Variants in PRDM1 observed in about 807,000 individuals in gnomAD.
PRDM1 encodes the protein PR/SET domain 1.
A neutral mutation model predicts 62.8 loss-of-function variants in PRDM1; 13 were observed. That is an observed-to-expected ratio of 0.21 (90% confidence interval 0.13 to 0.33). The LOEUF (loss-of-function observed/expected upper bound fraction) is 0.33. PRDM1 is among the 10% of genes least tolerant of loss of function. The pLI is 1.00. For synonymous variants in PRDM1, 396 were observed against 417.6 expected, an observed-to-expected ratio of 0.95 and a Z score of 0.63; for missense variants, 895 against 1,058.8, an observed-to-expected ratio of 0.85 and a Z score of 2.15.
rs964613856 is a variant in PRDM1 at position 106,061,548 on chromosome 6, A to G, written c.-67+12834A>G. Among the ~76,000 whole-genome samples, 4 of 152,152 alleles carry G rather than the reference A, an allele frequency of 2.6e-5. No individual in the cohort carries two copies. The East Asian group carries it at 7.7e-4, about 29-fold the overall frequency. On this transcript the variant is annotated intron_variant, in intron 1 of 6. Coordinates refer to the PRDM1 transcript ENST00000651185. ...CATAGCTCATTGTTATCTCAAACAT[A>G]TTTTCCAGTATGTGATTAGATTCTG...
intron 1 of PRDM1, among the ~76,000 whole-genome samples, chr6:106,031,327 G>A (rs1772840817): frequency 2.6e-5 from 4 of 152,198 alleles, no homozygotes; most frequent in Admixed American, 2.6e-4. Context: ...GAAGGTAGAA[G>A]TCCCAGGATC....
At chr6:106,096,388 C>T (rs376986973) in intron 3 of PRDM1, among the ~76,000 whole-genome samples, 104 of 152,212 alleles carry the variant, frequency 6.8e-4, no homozygotes, top group African/African-American at 2.3e-3. Context: ...CCTCGTGATC[C>T]GCCCACCTTG....
chr6:106,105,681 C>G lies in PRDM1; in HGVS notation c.1521C>G (p.Asp507Glu). 1 of 1,613,382 alleles carries G rather than the reference C, an allele frequency of 6.2e-7. No individual in the cohort carries two copies. The highest frequency in any genetic ancestry group is 8.5e-7 in the Non-Finnish European group (1 of 1,179,508). ...CCGGGGCCGCCGCCAGCATGAAGGA[C>G]AAGGCCTGTAGCCCCACAAGCGGGT... ...SFTGAAASMK[D>E]KACSPTSGSP... The change falls in exon 5 of 7, where the codon GAC becomes GAG. Residue 507 changes from aspartate to glutamate, a missense_variant. Asp to Glu is a conservative substitution (Grantham distance 45). Coordinates refer to ENST00000369096, the MANE Select transcript of PRDM1 (RefSeq NM_001198.4).
chr6:106,106,219 A>G lies in PRDM1; in HGVS notation c.1774-152A>G. On this transcript the variant is annotated intron_variant, in intron 5 of 6. Coordinates refer to ENST00000369096, the MANE Select transcript of PRDM1 (RefSeq NM_001198.4). The surrounding 1 kb of genome is among the most constrained non-coding windows in gnomAD (Gnocchi z 4.4). ...TGTGATTTTTGTGCTTTTAAGAAAA[A>G]CACCATTCTGAAAACATGAAGATTT... is the stretch of plus-strand genomic sequence containing the variant. 1 of 1,296,232 alleles carries G rather than the reference A, an allele frequency of 7.7e-7. No individual in the cohort carries two copies. Among genetic ancestry groups the G allele is most frequent in the Non-Finnish European group, 1.1e-6 (1 of 949,136 alleles). 80.3% of individuals were successfully genotyped at this position (1,296,232 alleles called of 1,614,324 possible).
rs185904651 is a variant in PRDM1, at chr6:106,024,210, T to C, written c.-67+30571T>C. Reference sequence around the variant, plus strand: ...CCTGAAGCTGGTTTGATTCCTTTTGTGCCTGGCAGGCTATGGAGCATGGTC... The same window carrying C: ...CCTGAAGCTGGTTTGATTCCTTTTGCGCCTGGCAGGCTATGGAGCATGGTC... On this transcript the variant is annotated intron_variant, in intron 1 of 6. Coordinates refer to the PRDM1 transcript ENST00000652320. Among the ~76,000 whole-genome samples the C allele has an allele frequency of 3.1e-4, 47 of 152,312 alleles. No homozygotes were observed. In the East Asian group the frequency reaches 8.7e-3, roughly 28 times the overall value.
chr6:105,997,241 C>G (rs1397815082), intron 1 of PRDM1, among the ~76,000 whole-genome samples: 1 of 152,104 alleles, frequency 6.6e-6, no homozygotes, highest in Non-Finnish European at 1.5e-5. Context: ...GCTTTCTTTT[C>G]TTTTCTACCT....
At position 106,108,521 on chromosome 6, in the gene PRDM1, CTTTTTTT is replaced by C; in HGVS notation, c.*1050_*1056del. On this transcript the variant is annotated 3_prime_UTR_variant, in exon 7 of 7. Transcript: ENST00000369096. ...GGTGTTTTGTTGTTGGTTTTTGTTGCTTTTTTTTTTTTTTTTTTTTTAATGTCAAAAT... is the reference window on the plus strand; with the variant it reads ...GGTGTTTTGTTGTTGGTTTTTGTTGCTTTTTTTTTTTTTTAATGTCAAAAT... 4.8e-5 allele frequency: 7 copies of C among 144,840 alleles called. No homozygotes were observed. The highest frequency in any genetic ancestry group is 8.5e-5 in the East Asian group (1 of 11,754). The allele number at this position is 144,840 out of a possible 1,614,324, so 9.0% of individuals were successfully genotyped here.
chr6:106,105,959 A>G, intron 5 of PRDM1, 26 bp downstream of exon 5: 6 of 1,589,820 alleles, frequency 3.8e-6, no homozygotes, highest in Non-Finnish European at 4.3e-6. Context: ...GAGCAGTCCA[A>G]GGGGCTGTGA....
In PRDM1 at chr6:106,012,686, T is replaced by A. The variant is rs370420078; in HGVS notation, c.-67+19047T>A. 2.6e-5 allele frequency among the ~76,000 whole-genome samples: 4 copies of A among 152,172 alleles called. No homozygotes were observed. The East Asian group carries it at 7.7e-4, about 29-fold the overall frequency. On this transcript the variant is annotated intron_variant, in intron 1 of 6. Transcript: ENST00000652320. ...GCTTTGCAGCTGGCAACTCCCCCTC[T>A]CCCAGCACCTGCCCCAGATGTGTTC...
At position 106,105,603 on chromosome 6, in the gene PRDM1, G is replaced by T. The variant is rs777578275; in HGVS notation, c.1443G>T (p.Pro481=). 2 of 1,613,170 alleles carry T rather than the reference G, an allele frequency of 1.2e-6. No homozygotes were observed. Among genetic ancestry groups the T allele is most frequent in the South Asian group, 1.1e-5 (1 of 91,046 alleles). ...ATGGAGCCCGGAGGTTGCTCCAGCCGGAGCATCCCAGGGAGGTGCTTGTCC... is the reference window on the plus strand; with the variant it reads ...ATGGAGCCCGGAGGTTGCTCCAGCCTGAGCATCCCAGGGAGGTGCTTGTCC... The part of the protein sequence containing the change: ...PSDGARRLLQ[P]EHPREVLVPA... The change falls in exon 5 of 7, where the codon CCG becomes CCT. Residue 481 remains proline (P), a synonymous_variant. Coordinates refer to ENST00000369096, the MANE Select transcript of PRDM1 (RefSeq NM_001198.4).
At chr6:106,028,948 G>A (rs1473648371) in intron 1 of PRDM1, among the ~76,000 whole-genome samples, 2 of 131,374 alleles carry the variant, frequency 1.5e-5, no homozygotes, top group African/African-American at 5.8e-5. Context: ...TTGAGACCGA[G>A]TCTTGCTCTG....
At chr6:106,062,293 G>T (rs992358595) in intron 1 of PRDM1, among the ~76,000 whole-genome samples, 2 of 151,964 alleles carry the variant, frequency 1.3e-5, no homozygotes, top group East Asian at 3.9e-4. Context: ...AAGTATTAAG[G>T]GTAATTTTCT....
At chr6:106,075,645 T>C (rs1773593805) in intron 1 of PRDM1, among the ~76,000 whole-genome samples, 1 of 152,216 alleles carries the variant, frequency 6.6e-6, no homozygotes, top group African/African-American at 2.4e-5. Context: ...TATTAGGATT[T>C]CTAGTTGAAA....
rs1278696702 is a variant in PRDM1, at chr6:106,105,749, A to G, written c.1589A>G (p.Gln530Arg). 5 of 1,614,082 alleles carry G rather than the reference A, an allele frequency of 3.1e-6. No homozygotes were observed. The highest frequency in any genetic ancestry group is 4.2e-6 in the Non-Finnish European group (5 of 1,180,052). Residue 530 changes from glutamine (Q) to arginine (R), a missense_variant, in exon 5 of 7, where the codon CAG (glutamine) becomes CGG (arginine). Gln to Arg is a conservative substitution (Grantham distance 43). Around this residue, in one of 4 missense-constraint regions of PRDM1, gnomAD observed 444 missense variants for 422.7 expected, o/e 1.05. Transcript: ENST00000369096. ...GTAATAEHVVQPKATSAAMAA... is the reference protein window; with the variant it reads ...GTAATAEHVVRPKATSAAMAA... Reference sequence around the variant, plus strand: ...GCCGCCACGGCAGAACATGTGGTGCAGCCCAAAGCTACCTCAGCAGCGATG... The same window carrying G: ...GCCGCCACGGCAGAACATGTGGTGCGGCCCAAAGCTACCTCAGCAGCGATG...
upstream of PRDM1, among the ~76,000 whole-genome samples, chr6:106,082,967 C>T (rs1232376814): frequency 6.6e-6 from 1 of 152,116 alleles, no homozygotes; most frequent in East Asian, 1.9e-4. Flanking sequence ...CTCATACACA[C>T]ATACTCGCTC....
At chr6:106,088,682 C>G (rs1183608454) in intron 2 of PRDM1, among the ~76,000 whole-genome samples, 3 of 152,136 alleles carry the variant, frequency 2.0e-5, no homozygotes, top group Non-Finnish European at 4.4e-5. Context: ...AATATTTTGG[C>G]AAATTGGCAT....
Position 106,107,126 on chromosome 6 carries a change from G to A in PRDM1, c.2118G>A (p.Leu706=), listed in dbSNP as rs1446554074. The A allele has an allele frequency of 3.7e-6, 6 of 1,614,064 alleles. No individual in the cohort carries two copies. In the Admixed American group the frequency reaches 1.0e-4, roughly 27 times the overall value. ...YIHLCSLKVH[L]KGNCAAAPAP... is the part of the protein sequence containing the mutation. ...ATCTCTGTAGCCTCAAGGTTCACCT[G>A]AAAGGGAACTGCGCTGCGGCCCCGG... Residue 706 remains leucine, a synonymous_variant, in exon 7 of 7, where the codon CTG becomes CTA. Coordinates refer to ENST00000369096, the MANE Select transcript of PRDM1 (RefSeq NM_001198.4).
Position 106,027,216 on chromosome 6 carries a change from A to C in PRDM1, c.-67+33577A>C, listed in dbSNP as rs548711647. On this transcript the variant is annotated intron_variant, in intron 1 of 6. Transcript: ENST00000652320. ...GGAGGGGCAAGACATTAATCGCTGC[A>C]CTTGTGCAAACGGAGTGCCAGCTGA... Among the ~76,000 whole-genome samples, 8 of 152,348 alleles carry C rather than the reference A, an allele frequency of 5.3e-5. No individual in the cohort carries two copies. In the East Asian group the frequency reaches 1.3e-3, roughly 26 times the overall value.
At chr6:106,049,237 A>C (rs1467723688) in intron 1 of PRDM1, among the ~76,000 whole-genome samples, 3 of 152,210 alleles carry the variant, frequency 2.0e-5, no homozygotes, top group Admixed American at 2.0e-4. Flanking sequence ...AACTACTTGC[A>C]GCTCCCAAAG....
Sources: allele counts gnomAD v4.1 joint callset (sites outside exome capture counted in the v4.1 genomes callset), GRCh38; gene constraint gnomAD v4.1.1; regional missense constraint gnomAD v4.1.1; non-coding constraint Gnocchi (gnomAD v3.1); transcripts MANE v1.5; gene names NCBI Gene and HGNC (gene_info 2026-07-23, HGNC 2026-07-21).